The following MAP3K3 variants were observed in gnomAD, a reference collection of about 807,000 sequenced individuals.
The protein encoded by MAP3K3 is mitogen-activated protein kinase kinase kinase 3, also known as MAP/ERK kinase kinase 3.
A neutral mutation model predicts 80.9 loss-of-function variants in MAP3K3; 12 were observed. The observed-to-expected ratio is 0.15, with a 90% CI of 0.10 to 0.24. MAP3K3 has a LOEUF of 0.24. Ranked by LOEUF, MAP3K3 falls within the 10% of genes least tolerant of loss-of-function variation. The pLI, the probability that MAP3K3 is intolerant of heterozygous loss-of-function variation, is 1.00. For missense variants in MAP3K3, 596 were observed against 834.7 expected (o/e 0.71, Z 3.52); for synonymous variants, 272 against 307.1 (o/e 0.89, Z 1.19).
intron 6 of MAP3K3, among the ~76,000 whole-genome samples, chr17:63,677,680 A>G (rs1474161479): frequency 6.6e-6 from 1 of 152,200 alleles, no homozygotes; most frequent in Admixed American, 6.5e-5. Context: ...CCAAATGACC[A>G]TGGAGAAAAC....
At chr17:63,656,680 A>C (rs2143383514) in intron 4 of MAP3K3, among the ~76,000 whole-genome samples, 1 of 152,258 alleles carries the variant, frequency 6.6e-6, no homozygotes, top group East Asian at 1.9e-4. Context: ...CATCTTATGA[A>C]TCTCTTAATA....
At chr17:63,639,678 A>G (rs1256547380) in intron 2 of MAP3K3, among the ~76,000 whole-genome samples, 4 of 152,002 alleles carry the variant, frequency 2.6e-5, no homozygotes, top group East Asian at 1.9e-4. Flanking sequence ...GCCTCCCCAC[A>G]TTTCTGGAAT....
At chr17:63,677,325 T>TG (rs1287166777) in intron 6 of MAP3K3, among the ~76,000 whole-genome samples, 1 of 152,194 alleles carries the variant, frequency 6.6e-6, no homozygotes, top group Admixed American at 6.5e-5. Context: ...GTTGCTGACA[T>TG]GTGGATTGAA....
intron 2 of MAP3K3, chr17:63,634,779 C>T (rs778226984): frequency 3.1e-6 from 5 of 1,613,672 alleles, no homozygotes; most frequent in Admixed American, 3.3e-5. Context: ...TGTGCAGGGG[C>T]CAGTGAGAAA....
intron 4 of MAP3K3, 34 bp from the exon 5 acceptor site, chr17:63,657,760 A>T (rs1355209684): frequency 1.1e-6 from 1 of 916,196 alleles, no homozygotes; most frequent in Non-Finnish European, 1.7e-6. Flanking sequence ...CTTCTGTTTT[A>T]TATTATTTTC....
At chr17:63,683,238 T>G (rs765946549) in intron 7 of MAP3K3, among the ~76,000 whole-genome samples, 1 of 152,220 alleles carries the variant, frequency 6.6e-6, no homozygotes, top group Non-Finnish European at 1.5e-5. Context: ...TGAGAAGCCC[T>G]TTGTACTCTT....
chr17:63,637,685 G>A (rs927181643), intron 2 of MAP3K3, among the ~76,000 whole-genome samples: 1 of 152,156 alleles, frequency 6.6e-6, no homozygotes, highest in Non-Finnish European at 1.5e-5. Flanking sequence ...CTCTTTATGG[G>A]ATTATCATTA....
chr17:63,680,311 T>A (rs192816801), intron 6 of MAP3K3, among the ~76,000 whole-genome samples: 1 of 152,294 alleles, frequency 6.6e-6, no homozygotes, highest in Non-Finnish European at 1.5e-5. Flanking sequence ...GGAGGGCTCT[T>A]GTGTCTCTGG....
rs55997296 is a variant in MAP3K3 at position 63,630,351 on chromosome 17, A to T, written c.5-2330A>T. On this transcript the variant is annotated intron_variant, in intron 1 of 15. Transcript: ENST00000361733. ...ACCAAGTTCCCTTTTTGTTTTTGGG[A>T]CAGGGTCTCACTGTCGCCCAGGCTG... Among the ~76,000 whole-genome samples, 335 of 152,174 alleles carry T rather than the reference A, an allele frequency of 2.2e-3. 1 individual carries two copies. Among genetic ancestry groups the T allele is most frequent in the African/African-American group, 7.8e-3 (324 of 41,546 alleles).
At chr17:63,679,899 T>G (rs2035295951) in intron 6 of MAP3K3, among the ~76,000 whole-genome samples, 1 of 152,128 alleles carries the variant, frequency 6.6e-6, no homozygotes, top group Non-Finnish European at 1.5e-5. Context: ...GGACTAGGGA[T>G]CTATCATCAA....
At chr17:63,648,263 G>A (rs1418429895) in intron 3 of MAP3K3, among the ~76,000 whole-genome samples, 1 of 152,200 alleles carries the variant, frequency 6.6e-6, no homozygotes, top group African/African-American at 2.4e-5. Context: ...TAGGCCAAAT[G>A]CAGAAGAATT....
intron 5 of MAP3K3, 50 bp downstream of exon 5, chr17:63,657,957 C>T (rs751348276): frequency 3.1e-5 from 33 of 1,071,892 alleles, no homozygotes; most frequent in Non-Finnish European, 4.5e-5. Context: ...GCTTGCTTTC[C>T]TTCAGGAACT....
chr17:63,651,199 AT>A (rs2034648527), intron 3 of MAP3K3, among the ~76,000 whole-genome samples: 1 of 152,020 alleles, frequency 6.6e-6, no homozygotes, highest in Non-Finnish European at 1.5e-5. Context: ...CAAACTTTTT[AT>A]TGGCCAAGCA....
intron 6 of MAP3K3, among the ~76,000 whole-genome samples, chr17:63,680,800 TG>T (rs963776084): frequency 3.7e-4 from 55 of 150,390 alleles, no homozygotes; most frequent in Middle Eastern, 3.4e-3. Context: ...TTGGGTGTTT[TG>T]GGTTTTTTTT....
chr17:63,626,934 T>G (rs1318646227), intron 1 of MAP3K3, among the ~76,000 whole-genome samples: 1 of 152,186 alleles, frequency 6.6e-6, no homozygotes, highest in Non-Finnish European at 1.5e-5. Flanking sequence ...TGTGGCATAG[T>G]AAACAGACAC....
At chr17:63,668,657 T>A (rs1033450289) in intron 6 of MAP3K3, among the ~76,000 whole-genome samples, 1 of 152,184 alleles carries the variant, frequency 6.6e-6, no homozygotes, top group African/African-American at 2.4e-5. Flanking sequence ...GCTAAATACT[T>A]AGCCACTGGA....
At chr17:63,662,867 C>G (rs2034923529) in intron 5 of MAP3K3, among the ~76,000 whole-genome samples, 2 of 151,286 alleles carry the variant, frequency 1.3e-5, no homozygotes, top group Non-Finnish European at 2.9e-5. Flanking sequence ...GGGGGGCGGT[C>G]CTCACCATGT....
intron 6 of MAP3K3, among the ~76,000 whole-genome samples, chr17:63,670,506 C>T (rs1351983234): frequency 6.8e-6 from 1 of 147,508 alleles, no homozygotes; most frequent in Non-Finnish European, 1.5e-5. Context: ...TCACTTGAAC[C>T]TGAGAGATCG....
chr17:63,624,531 A>G (rs1205655627), intron 1 of MAP3K3, among the ~76,000 whole-genome samples: 2 of 152,224 alleles, frequency 1.3e-5, no homozygotes, highest in East Asian at 3.8e-4. Context: ...GTGTGAGTAT[A>G]TGGAGACCAA....
Sources: gnomAD v4.1 joint callset for allele counts (sites outside exome capture counted in the v4.1 genomes callset) on GRCh38, gnomAD v4.1.1 for gene constraint, MANE v1.5 for transcripts, NCBI Gene and HGNC (gene_info 2026-07-23, HGNC 2026-07-21) for gene names.